Variants in RYR3 observed in about 807,000 individuals in gnomAD.
The protein encoded by RYR3 is ryanodine receptor 3, also known as brain ryanodine receptor-calcium release channel.
A neutral mutation model predicts 584.3 loss-of-function variants in RYR3; 207 were observed. That is an observed-to-expected ratio of 0.35 (90% CI 0.32 to 0.40). The LOEUF is 0.40. Among genes scored for constraint, RYR3 ranks in the 10% least tolerant of loss-of-function variants. The pLI is 1.00. For missense variants in RYR3, 5,616 were observed against 6,089.2 expected, an observed-to-expected ratio of 0.92 and a Z score of 2.59; for synonymous variants, 2,416 against 2,248.5, an observed-to-expected ratio of 1.07 and a Z score of -2.11.
At chr15:33,693,986 G>T (rs2065640160) in intron 38 of RYR3, among the ~76,000 whole-genome samples, 1 of 152,074 alleles carries the variant, frequency 6.6e-6, no homozygotes, top group African/African-American at 2.4e-5. Context: ...TGGGTTGGTG[G>T]AGCTCAGCAC....
Position 33,739,923 on chromosome 15 carries a change from C to T in RYR3, c.7748C>T (p.Thr2583Ile). The change falls in exon 51 of 104, where the codon ACA becomes ATA. Residue 2583 changes from threonine to isoleucine, a missense_variant. By Grantham distance (89) the Thr-to-Ile change is moderately conservative. Coordinates refer to ENST00000634891, the MANE Select transcript of RYR3 (RefSeq NM_001036.6). ...CCAGATTATTTAGATACCAGAATCA[C>T]AGCCACGTTGGAGAAACAGATCTCA... ...LPPDYLDTRI[T>I]ATLEKQISVD... 6.2e-7 allele frequency: 1 copy of T among 1,613,800 alleles called. No homozygotes were observed. Among genetic ancestry groups the T allele is most frequent in the Non-Finnish European group, 8.5e-7 (1 of 1,179,824 alleles).
At chr15:33,763,361 T>C (rs1282298824) in intron 60 of RYR3, among the ~76,000 whole-genome samples, 3 of 151,912 alleles carry the variant, frequency 2.0e-5, no homozygotes, top group African/African-American at 4.8e-5. Context: ...ATTTTTGCAA[T>C]CTATCTGTCT....
chr15:33,543,555 T>C, intron 7 of RYR3, 67 bp from the exon 8 acceptor site: 1 of 1,045,176 alleles, frequency 9.6e-7, no homozygotes, highest in Non-Finnish European at 1.5e-6. Context: ...GAATTTACCC[T>C]TTTTAAATAT....
chr15:33,765,922 A>C (rs1475581096), intron 60 of RYR3, among the ~76,000 whole-genome samples: 1 of 152,208 alleles, frequency 6.6e-6, no homozygotes, highest in Non-Finnish European at 1.5e-5. Context: ...CAGATGAAGA[A>C]ATTGAATTTC....
intron 1 of RYR3, among the ~76,000 whole-genome samples, chr15:33,339,818 G>A (rs575892206): frequency 3.4e-4 from 52 of 151,762 alleles, no homozygotes; most frequent in Middle Eastern, 3.4e-3. Flanking sequence ...GAACCCGGGA[G>A]GCGGAGCTTG....
intron 1 of RYR3, among the ~76,000 whole-genome samples, chr15:33,437,679 T>C (rs139651656): frequency 2.0e-5 from 3 of 152,342 alleles, no homozygotes; most frequent in African/African-American, 7.2e-5. Context: ...GGACTCTGCT[T>C]TTCCACTGGT....
At chr15:33,472,931 C>T (rs1477782837) in intron 1 of RYR3, among the ~76,000 whole-genome samples, 1 of 152,196 alleles carries the variant, frequency 6.6e-6, no homozygotes, top group African/African-American at 2.4e-5. Context: ...CCACGACATA[C>T]ACTGCCTTCC....
chr15:33,851,659 G>A (rs1171851625), intron 94 of RYR3: 2 of 152,166 alleles, frequency 1.3e-5, no homozygotes, highest in Non-Finnish European at 2.9e-5. Flanking sequence ...AAGGGGTCAT[G>A]CCCAGAGCCT....
intron 20 of RYR3, among the ~76,000 whole-genome samples, chr15:33,625,437 G>A (rs2060937019): frequency 1.3e-5 from 2 of 152,140 alleles, no homozygotes; most frequent in South Asian, 2.1e-4. Context: ...ATTGAGAGGG[G>A]GTTGTGAGCT....
At chr15:33,636,048 C>G (rs1410368771) in intron 26 of RYR3, among the ~76,000 whole-genome samples, 1 of 152,156 alleles carries the variant, frequency 6.6e-6, no homozygotes, top group Non-Finnish European at 1.5e-5. Flanking sequence ...TTCATATCTA[C>G]TTTTGCACCC....
At chr15:33,719,943 C>T (rs1253444005) in intron 43 of RYR3, among the ~76,000 whole-genome samples, 3 of 152,138 alleles carry the variant, frequency 2.0e-5, no homozygotes, top group African/African-American at 7.2e-5. Context: ...TTTAGTATCT[C>T]CTGAGAATTT....
chr15:33,834,315 C>CAG (rs1567275739), intron 86 of RYR3, among the ~76,000 whole-genome samples: 1 of 145,512 alleles, frequency 6.9e-6, no homozygotes, highest in African/African-American at 2.5e-5. Flanking sequence ...CACACACACA[C>CAG]ACACACACAG....
Position 33,827,274 on chromosome 15 carries a change from T to C in RYR3, c.11321T>C (p.Leu3774Pro), listed in dbSNP as rs1429854418. ...VNVIISTVDY[L>P]LRLQESISDF... ...GTCATCATCAGCACTGTGGACTACC[T>C]TCTGCGTCTGCAGGTGAGTGGGAGG... Residue 3774 changes from leucine (L) to proline (P), a missense_variant, in exon 85 of 104, where the codon CTT becomes CCT. Physicochemically the swap from Leu to Pro is moderately conservative, Grantham distance 98. Around this residue, in one of 9 missense-constraint regions of RYR3, gnomAD observed 954 missense variants for 1,132.2 expected, o/e 0.84. Coordinates refer to ENST00000634891, the MANE Select transcript of RYR3 (RefSeq NM_001036.6). 1.3e-6 allele frequency: 2 copies of C among 1,553,054 alleles called. No homozygotes were observed. The highest frequency in any genetic ancestry group is 1.7e-6 in the Non-Finnish European group (2 of 1,147,972).
At chr15:33,621,415 A>T (rs116774867) in intron 19 of RYR3, among the ~76,000 whole-genome samples, 1,964 of 152,338 alleles carry the variant, frequency 0.013, 47 homozygotes, top group African/African-American at 0.045. Context: ...ATATGTCAGT[A>T]CACAATCTGT....
chr15:33,419,829 G>A (rs2044105191), intron 1 of RYR3, among the ~76,000 whole-genome samples: 1 of 152,128 alleles, frequency 6.6e-6, no homozygotes, highest in African/African-American at 2.4e-5. Context: ...TGAGGGCGCT[G>A]GTGTTGATGT....
At chr15:33,367,813 C>A (rs1975715007) in intron 1 of RYR3, among the ~76,000 whole-genome samples, 1 of 152,162 alleles carries the variant, frequency 6.6e-6, no homozygotes, top group Non-Finnish European at 1.5e-5. Context: ...CCTAAATTCA[C>A]AAGGATTGTC....
intron 12 of RYR3, among the ~76,000 whole-genome samples, chr15:33,570,327 T>G (rs760999911): frequency 2.6e-5 from 4 of 152,150 alleles, no homozygotes; most frequent in Non-Finnish European, 4.4e-5. Context: ...CTGCACAGTT[T>G]TCTGGAAAGA....
chr15:33,531,677 G>A (rs995231388), intron 4 of RYR3, among the ~76,000 whole-genome samples: 2 of 151,396 alleles, frequency 1.3e-5, no homozygotes, highest in Admixed American at 1.3e-4. Flanking sequence ...GTAAGAGGCT[G>A]ACCTTTTCAG....
At chr15:33,783,588 G>T (rs574455574) in intron 65 of RYR3, among the ~76,000 whole-genome samples, 31 of 152,330 alleles carry the variant, frequency 2.0e-4, no homozygotes, top group Admixed American at 5.2e-4. Flanking sequence ...TCATGATGAT[G>T]TATTGTCTAT....
Sources: gnomAD v4.1 joint callset for allele counts (sites outside exome capture counted in the v4.1 genomes callset) on GRCh38, gnomAD v4.1.1 for gene constraint, gnomAD v4.1.1 regional missense constraint, MANE v1.5 for transcripts, NCBI Gene and HGNC (gene_info 2026-07-23, HGNC 2026-07-21) for gene names.